Variants in WDR59 observed in about 807,000 individuals in gnomAD.
The protein encoded by WDR59 is WD repeat domain 59, also known as GATOR2 complex protein WDR59.
Under a neutral mutation model 131.2 loss-of-function variants are expected in WDR59, and 100 were observed. The ratio of observed to expected loss-of-function variants is 0.76; its 90% CI spans 0.65 to 0.90. The LOEUF (loss-of-function observed/expected upper bound fraction) is 0.90, where lower values mean the gene tolerates loss of function less well. Among genes scored for constraint, WDR59 ranks in the 40% least tolerant of loss-of-function variants. WDR59 has a pLI of 0.00. For missense variants in WDR59, 1,203 were observed against 1,262.2 expected (o/e 0.95, Z 0.71); for synonymous variants, 601 against 466.2 (o/e 1.29, Z -3.72).
At chr16:74,980,781 G>C (rs930165156) in intron 1 of WDR59, among the ~76,000 whole-genome samples, 3 of 151,222 alleles carry the variant, frequency 2.0e-5, no homozygotes, top group Admixed American at 1.3e-4. Flanking sequence ...AGACCAGCCT[G>C]GCCAACATGA....
rs1175000537 is a variant in WDR59, at chr16:74,904,032, G to A, written c.1781C>T (p.Pro594Leu). 6.2e-7 allele frequency: 1 copy of A among 1,613,106 alleles called. No individual in the cohort carries two copies. The highest frequency in any genetic ancestry group is 8.5e-7 in the Non-Finnish European group (1 of 1,179,732). The change falls in exon 18 of 26, where the codon CCT (proline) becomes CTT (leucine). Residue 594 changes from proline to leucine, a missense_variant. Pro to Leu is a moderately conservative substitution (Grantham distance 98, BLOSUM62 -3). Transcript: ENST00000262144. Reference sequence around the variant, plus strand: ...CCCACTGTATAAACGAAGGTTCCCAGGGGCCTCTGTGCGGATCTTCATGGG... The same window carrying A: ...CCCACTGTATAAACGAAGGTTCCCAAGGGCCTCTGTGCGGATCTTCATGGG... The part of the protein sequence containing the change: ...IAPMKIRTEA[P>L]GNLRLYSGSP...
chr16:74,896,068 G>A (rs1965283254), intron 18 of WDR59, among the ~76,000 whole-genome samples: 1 of 151,706 alleles, frequency 6.6e-6, no homozygotes, highest in Non-Finnish European at 1.5e-5. Flanking sequence ...GTCATCTCAA[G>A]TGAGACTCAG....
At chr16:74,881,820 C>G (rs1390669078) in intron 25 of WDR59, among the ~76,000 whole-genome samples, 1 of 147,276 alleles carries the variant, frequency 6.8e-6, no homozygotes, top group Non-Finnish European at 1.5e-5. Context: ...TTGCAGTGAC[C>G]TGAGATTGTT....
intron 8 of WDR59, among the ~76,000 whole-genome samples, chr16:74,929,703 C>T (rs986753811): frequency 3.9e-5 from 6 of 152,078 alleles, no homozygotes; most frequent in African/African-American, 1.4e-4. Flanking sequence ...GAAAAAAAAC[C>T]AGTATAGCGA....
At chr16:74,915,792 G>T in intron 13 of WDR59, 78 bp downstream of exon 13, 1 of 1,591,948 alleles carries the variant, frequency 6.3e-7, no homozygotes, top group South Asian at 1.1e-5. Flanking sequence ...TTTGCTAACT[G>T]AAATCATTGC....
In WDR59 at chr16:74,938,248, C is replaced by T; in HGVS notation, c.553G>A (p.Glu185Lys). 6.4e-7 allele frequency: 1 copy of T among 1,563,552 alleles called. No individual in the cohort carries two copies. Among genetic ancestry groups the T allele is most frequent in the Non-Finnish European group, 8.7e-7 (1 of 1,154,986 alleles). The change falls in exon 8 of 26, where the codon GAA (glutamate) becomes AAA (lysine). Residue 185 changes from glutamate (E) to lysine (K), a missense_variant. Transcript: ENST00000262144. Reference sequence around the variant, plus strand: ...TTGGAGAGGTGGGCGGCTAGATATTCCACTGCTGTACTGGGTTTCTGCAAC... The same window carrying T: ...TTGGAGAGGTGGGCGGCTAGATATTTCACTGCTGTACTGGGTTTCTGCAAC... ...WDKRKPSTAV[E>K]YLAAHLSKIH... is the part of the protein sequence containing the mutation.
intron 8 of WDR59, chr16:74,930,892 C>CAAAAAAA (rs36074951): frequency 1.6e-4 from 13 of 79,596 alleles, no homozygotes; most frequent in South Asian, 5.3e-4. Flanking sequence ...GACTCCATCT[C>CAAAAAAA]AAAAAAAAAA....
Position 74,915,935 on chromosome 16 carries a change from G to A in WDR59, c.1159C>T (p.Leu387=), listed in dbSNP as rs1215957771. The A allele has an allele frequency of 1.9e-6, 3 of 1,614,206 alleles. No homozygotes were observed. In the South Asian group the frequency reaches 3.3e-5, roughly 18 times the overall value. ...AATTCCTGCTGCAAGGTCTGAGGCA[G>A]CCCCAGTTGATCTGATTTCCTCTCT... ...LEERKSDQLG[L]PQTLQQEFSL... The change falls in exon 13 of 26, where the codon CTG becomes TTG. Residue 387 remains leucine, a synonymous_variant. Coordinates refer to ENST00000262144, the MANE Select transcript of WDR59 (RefSeq NM_030581.4).
chr16:74,932,381 T>C (rs1279956452), intron 8 of WDR59, among the ~76,000 whole-genome samples: 1 of 151,492 alleles, frequency 6.6e-6, no homozygotes, highest in Admixed American at 6.6e-5. Context: ...TGAGCCACCA[T>C]ACCCAGCCAA....
chr16:74,933,016 A>G (rs2031520736), intron 8 of WDR59, among the ~76,000 whole-genome samples: 1 of 152,224 alleles, frequency 6.6e-6, no homozygotes, highest in Non-Finnish European at 1.5e-5. Context: ...GCCAAATGTT[A>G]TGGATTTTCT....
At chr16:74,914,896 G>C (rs1468895060) in intron 13 of WDR59, among the ~76,000 whole-genome samples, 2 of 152,018 alleles carry the variant, frequency 1.3e-5, no homozygotes, top group Non-Finnish European at 2.9e-5. Flanking sequence ...CTGGCCAGCA[G>C]ACTTGTTTTA....
chr16:74,971,870 G>A (rs978003963), intron 1 of WDR59, among the ~76,000 whole-genome samples: 20 of 152,128 alleles, frequency 1.3e-4, no homozygotes, highest in Non-Finnish European at 2.8e-4. Context: ...CACCACACCC[G>A]GCTAATTTTA....
At chr16:74,912,682 C>G (rs1966158840) in intron 13 of WDR59, among the ~76,000 whole-genome samples, 1 of 152,164 alleles carries the variant, frequency 6.6e-6, no homozygotes, top group African/African-American at 2.4e-5. Context: ...AATCAGGGGT[C>G]TCACAGCCTT....
chr16:74,886,532 T>C (rs935251903), intron 23 of WDR59, 136 bp from the exon 24 acceptor site: 2 of 1,203,572 alleles, frequency 1.7e-6, no homozygotes, highest in Non-Finnish European at 2.2e-6. Flanking sequence ...TTCTGAGAAA[T>C]ATAACTAAAT....
intron 18 of WDR59, among the ~76,000 whole-genome samples, chr16:74,902,897 G>A (rs1965621247): frequency 6.6e-6 from 1 of 151,930 alleles, no homozygotes; most frequent in Admixed American, 6.6e-5. Flanking sequence ...TGTGAGGAAG[G>A]GGACTATAGG....
chr16:74,915,205 A>C (rs1422625428), intron 13 of WDR59, among the ~76,000 whole-genome samples: 2 of 152,120 alleles, frequency 1.3e-5, no homozygotes, highest in Non-Finnish European at 2.9e-5. Context: ...TGGCTTCCCA[A>C]GTCAACTCTG....
chr16:74,977,721 A>G (rs1228169152), intron 1 of WDR59, among the ~76,000 whole-genome samples: 1 of 152,194 alleles, frequency 6.6e-6, no homozygotes, highest in East Asian at 1.9e-4. Flanking sequence ...ATAAATAAAA[A>G]TTGGCCTTGA....
Position 74,885,982 on chromosome 16 carries a change from G to T in WDR59, c.2547-187C>A, listed in dbSNP as rs909869010. The T allele has an allele frequency of 1.8e-5, 13 of 728,020 alleles. No individual in the cohort carries two copies. The East Asian group carries it at 3.8e-4, about 21-fold the overall frequency. The allele number at this position is 728,020 out of a possible 1,614,324, so 45.1% of individuals were successfully genotyped here. On this transcript the variant is annotated intron_variant, in intron 24 of 25. Coordinates refer to ENST00000262144, the MANE Select transcript of WDR59 (RefSeq NM_030581.4). Reference sequence around the variant, plus strand: ...ACTTGAGGTCAGGAGTTTGAGACCAGCCTGGCCAACATGGTGAAACCCTGT... The same window carrying T: ...ACTTGAGGTCAGGAGTTTGAGACCATCCTGGCCAACATGGTGAAACCCTGT...
intron 8 of WDR59, among the ~76,000 whole-genome samples, chr16:74,928,449 G>T (rs1191492636): frequency 6.6e-6 from 1 of 151,246 alleles, no homozygotes; most frequent in Non-Finnish European, 1.5e-5. Flanking sequence ...GAACTCCTGG[G>T]CTCAAGTGAT....
Sources: gnomAD v4.1 joint callset for allele counts (sites outside exome capture counted in the v4.1 genomes callset) on GRCh38, gnomAD v4.1.1 for gene constraint, MANE v1.5 for transcripts, NCBI Gene and HGNC (gene_info 2026-07-23, HGNC 2026-07-21) for gene names.